The following SLC10A7 variants were observed in gnomAD, a reference collection of about 807,000 sequenced individuals.
SLC10A7 encodes solute carrier family 10 member 7, also known as sodium/bile acid cotransporter 7.
SLC10A7 carries 29 observed loss-of-function variants against 43.2 expected under a neutral mutation model. The observed-to-expected ratio is 0.67, with a 90% confidence interval of 0.50 to 0.92. The LOEUF (loss-of-function observed/expected upper bound fraction) is 0.92. SLC10A7 is among the 40% of genes least tolerant of loss of function. SLC10A7 has a pLI of 0.00. For synonymous variants in SLC10A7, 152 were observed against 144.8 expected, an observed-to-expected ratio of 1.05 and a Z score of -0.35; for missense variants, 295 against 403.2, an observed-to-expected ratio of 0.73 and a Z score of 2.30.
At chr4:146,271,638 G>A (rs1728902436) in intron 10 of SLC10A7, among the ~76,000 whole-genome samples, 1 of 152,056 alleles carries the variant, frequency 6.6e-6, no homozygotes, top group Admixed American at 6.6e-5. Context: ...ACCCCCAATG[G>A]CTTCCCCTCT....
At chr4:146,495,925 A>G (rs28578121) in intron 4 of SLC10A7, among the ~76,000 whole-genome samples, 20,501 of 152,212 alleles carry the variant, frequency 0.13, 1,446 homozygotes, top group South Asian at 0.16. Context: ...CAACCTGCTA[A>G]GTAAAATAAA....
At chr4:146,267,672 C>A (rs1352254740) in intron 10 of SLC10A7, among the ~76,000 whole-genome samples, 5 of 152,182 alleles carry the variant, frequency 3.3e-5, no homozygotes, top group Admixed American at 2.6e-4. Flanking sequence ...ATCAGAACCT[C>A]TACTGTTGCT....
At chr4:146,329,516 C>T (rs937239538) in intron 5 of SLC10A7, among the ~76,000 whole-genome samples, 1 of 152,168 alleles carries the variant, frequency 6.6e-6, no homozygotes, top group African/African-American at 2.4e-5. Context: ...CTCAGAGAGA[C>T]TGAGTGAAGT....
intron 4 of SLC10A7, among the ~76,000 whole-genome samples, chr4:146,445,331 A>G (rs1485882740): frequency 6.6e-6 from 1 of 152,174 alleles, no homozygotes; most frequent in Non-Finnish European, 1.5e-5. Context: ...GCCGTGCTCC[A>G]TGCCTTACAG....
chr4:146,320,061 G>A (rs1732594677), intron 6 of SLC10A7, among the ~76,000 whole-genome samples: 1 of 152,016 alleles, frequency 6.6e-6, no homozygotes, highest in Non-Finnish European at 1.5e-5. Flanking sequence ...AAGAGGCACT[G>A]GAGATTTGAG....
In SLC10A7 at chr4:146,440,274, T is replaced by TG. The variant is rs1730497423; in HGVS notation, c.435+2508_435+2509insC. Among the ~76,000 whole-genome samples the TG allele has an allele frequency of 6.0e-5, 5 of 82,888 alleles. No individual in the cohort carries two copies. The Admixed American group carries it at 6.5e-4, about 11-fold the overall frequency. The allele number at this position is 82,888 out of a possible 152,430, so 54.4% of individuals were successfully genotyped here. ...AGAAGACTCAGGTTTTAGGGAGGTC[T>TG]TTTTTCTTTTCTTTTCTTTTTTTTT... is the stretch of plus-strand genomic sequence containing the variant. On this transcript the variant is annotated intron_variant, in intron 5 of 11. Coordinates refer to ENST00000335472, the MANE Select transcript of SLC10A7 (RefSeq NM_001029998.6).
At chr4:146,317,777 C>A (rs2149696281) in intron 6 of SLC10A7, among the ~76,000 whole-genome samples, 1 of 151,928 alleles carries the variant, frequency 6.6e-6, no homozygotes, top group East Asian at 1.9e-4. Flanking sequence ...AGGACCTATA[C>A]CAGCCACCAC....
chr4:146,312,424 T>G (rs1251586136), intron 6 of SLC10A7, among the ~76,000 whole-genome samples: 3 of 152,192 alleles, frequency 2.0e-5, no homozygotes, highest in Non-Finnish European at 4.4e-5. Flanking sequence ...TAGTTACCTT[T>G]TTGTGTATGA....
intron 5 of SLC10A7, among the ~76,000 whole-genome samples, chr4:146,335,251 T>TAA (rs34522588): frequency 2.3e-4 from 21 of 92,650 alleles, no homozygotes; most frequent in Non-Finnish European, 3.1e-4. Context: ...ACAGATGTTG[T>TAA]AAAAAAAAAA....
intron 5 of SLC10A7, among the ~76,000 whole-genome samples, chr4:146,363,819 CA>C (rs1285111749): frequency 6.6e-6 from 1 of 151,920 alleles, no homozygotes. Flanking sequence ...AATGAAAACA[CA>C]ACATACCAGT....
intron 4 of SLC10A7, among the ~76,000 whole-genome samples, chr4:146,455,796 T>A (rs2149923324): frequency 6.6e-6 from 1 of 152,118 alleles, no homozygotes; most frequent in Middle Eastern, 3.4e-3. Flanking sequence ...TCCTTTACAG[T>A]TTTAGATTTT....
rs144748993 is a variant in SLC10A7 at position 146,466,903 on chromosome 4, G to A, written c.397-24082C>T. ...GGTGAGACCTTAGGAGGAAAGCCTAGGATGAAGCACCTATTTTCAATGTTA... is the reference window on the plus strand; with the variant it reads ...GGTGAGACCTTAGGAGGAAAGCCTAAGATGAAGCACCTATTTTCAATGTTA... On this transcript the variant is annotated intron_variant, in intron 4 of 11. Coordinates refer to ENST00000335472, the MANE Select transcript of SLC10A7 (RefSeq NM_001029998.6). Among the ~76,000 whole-genome samples, 114 of 152,204 alleles carry A rather than the reference G, an allele frequency of 7.5e-4. 1 individual carries two copies. Among genetic ancestry groups the A allele is most frequent in the Non-Finnish European group, 1.2e-3 (80 of 67,990 alleles).
intron 4 of SLC10A7, among the ~76,000 whole-genome samples, chr4:146,451,525 A>G (rs888116506): frequency 2.6e-5 from 4 of 152,080 alleles, no homozygotes; most frequent in African/African-American, 9.7e-5. Context: ...AAACAATAGT[A>G]CACCATGATC....
chr4:146,502,557 T>C (rs1736520453), intron 4 of SLC10A7, among the ~76,000 whole-genome samples: 1 of 113,716 alleles, frequency 8.8e-6, no homozygotes, highest in Non-Finnish European at 1.7e-5. Context: ...ATATTATATA[T>C]AAACTTAAGA....
At chr4:146,458,249 C>T (rs900698140) in intron 4 of SLC10A7, among the ~76,000 whole-genome samples, 18 of 151,496 alleles carry the variant, frequency 1.2e-4, no homozygotes, top group African/African-American at 4.4e-4. Context: ...TCAATAGGTA[C>T]AGAAAAATCA....
At chr4:146,422,365 T>C (rs1729024984) in intron 5 of SLC10A7, among the ~76,000 whole-genome samples, 5 of 152,206 alleles carry the variant, frequency 3.3e-5, no homozygotes, top group Admixed American at 2.6e-4. Flanking sequence ...GGCCATACCA[T>C]AGGCCAAATT....
intron 4 of SLC10A7, among the ~76,000 whole-genome samples, chr4:146,482,583 GA>G (rs60347451): frequency 6.8e-6 from 1 of 147,974 alleles, no homozygotes; most frequent in African/African-American, 2.5e-5. Context: ...GAAAAAATAA[GA>G]AAAAAAAAAG....
chr4:146,435,369 C>A (rs1012300826), intron 5 of SLC10A7, among the ~76,000 whole-genome samples: 1 of 152,022 alleles, frequency 6.6e-6, no homozygotes, highest in Non-Finnish European at 1.5e-5. Context: ...CTCCACATGG[C>A]CAGATTTATT....
At chr4:146,295,002 A>T (rs936282144) in intron 7 of SLC10A7, among the ~76,000 whole-genome samples, 5 of 152,206 alleles carry the variant, frequency 3.3e-5, no homozygotes, top group African/African-American at 9.6e-5. Context: ...AATTCACAAC[A>T]GGCTGAATTA....
Sources: allele counts gnomAD v4.1 joint callset (sites outside exome capture counted in the v4.1 genomes callset), GRCh38; gene constraint gnomAD v4.1.1; transcripts MANE v1.5; gene names NCBI Gene and HGNC (gene_info 2026-07-23, HGNC 2026-07-21).